The following CORO1A variants were observed in gnomAD, a reference collection of about 807,000 sequenced individuals.
CORO1A encodes coronin-1A.
In CORO1A, 17 loss-of-function variants were observed where a neutral mutation model predicts 44.1. The ratio of observed to expected loss-of-function variants is 0.39; its 90% CI spans 0.26 to 0.58. The LOEUF (loss-of-function observed/expected upper bound fraction) is 0.58. Among genes scored for constraint, CORO1A ranks in the 20% least tolerant of loss-of-function variants. The probability of loss-of-function intolerance (pLI) is 0.62; values close to 1 mark genes in which losing one functional copy is unlikely to be tolerated. For synonymous variants in CORO1A, 271 were observed against 244.2 expected, an observed-to-expected ratio of 1.11 and a Z score of -1.02; for missense variants, 415 against 606.5, an observed-to-expected ratio of 0.68 and a Z score of 3.32.
intron 7 of CORO1A, 29 bp from the exon 8 acceptor site, chr16:30,187,913 G>T (rs753219676): frequency 1.9e-6 from 3 of 1,613,396 alleles, no homozygotes; most frequent in East Asian, 4.5e-5. Context: ...CGCTGGTATT[G>T]ACCCTCCCTC....
At position 30,187,230 on chromosome 16, in the gene CORO1A, C is replaced by A. The variant is rs760274904; in HGVS notation, c.636+7C>A. 6.2e-7 allele frequency: 1 copy of A among 1,610,856 alleles called. No homozygotes were observed. Among genetic ancestry groups the A allele is most frequent in the Non-Finnish European group, 8.5e-7 (1 of 1,179,966 alleles). The stretch of plus-strand genomic sequence containing the variant: ...CAAAGGCACTGTCGTAGCTGTGAGT[C>A]GCCATCTACCCTGACCTTTGACCCT... On this transcript the variant is annotated splice_region_variant and intron_variant, in intron 5 of 10. Coordinates refer to ENST00000219150, the MANE Select transcript of CORO1A (RefSeq NM_007074.4).
In CORO1A at chr16:30,186,679, GACA is replaced by G; in HGVS notation, c.283_285del (p.Asn95del). 1 of 1,613,240 alleles carries G rather than the reference GACA, an allele frequency of 6.2e-7. No homozygotes were observed. The highest frequency in any genetic ancestry group is 1.1e-5 in the South Asian group (1 of 91,002). On this transcript the variant is annotated inframe_deletion, in exon 3 of 11. Coordinates refer to ENST00000219150, the MANE Select transcript of CORO1A (RefSeq NM_007074.4). Reference sequence around the variant, plus strand: ...AGACATCGCCTGGTGCCCGCACAATGACAACGTCATTGCCAGTGGCTCCGAGGA... The same window carrying G: ...AGACATCGCCTGGTGCCCGCACAATGACGTCATTGCCAGTGGCTCCGAGGA...
rs1441170695 is a variant in CORO1A, at chr16:30,185,370, G to C, written c.161G>C (p.Ser54Thr). 6.2e-7 allele frequency: 1 copy of C among 1,614,090 alleles called. No individual in the cohort carries two copies. The highest frequency in any genetic ancestry group is 1.7e-5 in the Admixed American group (1 of 60,030). Reference sequence around the variant, plus strand: ...TTTGTGGCCCTGATCTGTGAGGCCAGCGGGGGAGGGGCCTTCCTGGTGCTG... The same window carrying C: ...TTTGTGGCCCTGATCTGTGAGGCCACCGGGGGAGGGGCCTTCCTGGTGCTG... ...PKFVALICEA[S>T]GGGAFLVLPL... is the part of the protein sequence containing the mutation. Residue 54 changes from serine (S) to threonine (T), a missense_variant, in exon 2 of 11, where the codon AGC becomes ACC. By Grantham distance (58) the Ser-to-Thr change is moderately conservative. Around this residue, in one of 2 missense-constraint regions of CORO1A, gnomAD observed 325 missense variants for 521.7 expected, o/e 0.62. Coordinates refer to ENST00000219150, the MANE Select transcript of CORO1A (RefSeq NM_007074.4).
intron 2 of CORO1A, chr16:30,185,978 AC>A (rs2073329045): frequency 5.2e-6 from 1 of 193,794 alleles, no homozygotes; most frequent in African/African-American, 2.4e-5. Context: ...CCAAGTTGTT[AC>A]CTTAAAAGGG....
chr16:30,186,548 G>C (rs199993040), intron 2 of CORO1A, 50 bp from the exon 3 acceptor site: 1 of 1,610,628 alleles, frequency 6.2e-7, no homozygotes, highest in East Asian at 2.2e-5. Flanking sequence ...GGGGAGGTTG[G>C]ATTGGGTTTG....
rs550409733 is a variant in CORO1A at position 30,185,143 on chromosome 16, G to A, written c.-1-66G>A. Reference sequence around the variant, plus strand: ...CAGACTGAGGGGTGTCCTGGGGGAGGTGGGGACCACTGGAAGATCAGAGTT... The same window carrying A: ...CAGACTGAGGGGTGTCCTGGGGGAGATGGGGACCACTGGAAGATCAGAGTT... On this transcript the variant is annotated intron_variant, in intron 1 of 10. Transcript: ENST00000219150. The A allele has an allele frequency of 1.2e-5, 18 of 1,521,926 alleles. No individual in the cohort carries two copies. The East Asian group carries it at 3.8e-4, about 32-fold the overall frequency. 94.3% of individuals were successfully genotyped at this position (1,521,926 alleles called of 1,614,324 possible). A position where few individuals can be genotyped will look rare whatever the true frequency, so the allele number is the denominator to read the frequency against.
intron 2 of CORO1A, 146 bp from the exon 3 acceptor site, chr16:30,186,452 A>C: frequency 3.2e-6 from 3 of 944,728 alleles, no homozygotes; most frequent in Non-Finnish European, 5.0e-6. Flanking sequence ...AGAGAAGAAC[A>C]ACCCGCCCCC....
Position 30,185,269 on chromosome 16 carries a change from GGCC to G in CORO1A, c.62_64del (p.Ala21del). ...GCCACGTGTTTGGACAGCCGGCCAA[GGCC>G]GACCAGTGCTATGAAGATGTGCGCG... On this transcript the variant is annotated inframe_deletion, in exon 2 of 11. Coordinates refer to ENST00000219150, the MANE Select transcript of CORO1A (RefSeq NM_007074.4). The G allele has an allele frequency of 6.2e-7, 1 of 1,614,224 alleles. No individual in the cohort carries two copies. The highest frequency in any genetic ancestry group is 8.5e-7 in the Non-Finnish European group (1 of 1,180,032).
At position 30,185,262 on chromosome 16, in the gene CORO1A, C is replaced by T; in HGVS notation, c.53C>T (p.Pro18Leu). ...SSKFRHVFGQ[P>L]AKADQCYEDV... is the part of the protein sequence containing the mutation. Reference sequence around the variant, plus strand: ...AAGTTCCGCCACGTGTTTGGACAGCCGGCCAAGGCCGACCAGTGCTATGAA... The same window carrying T: ...AAGTTCCGCCACGTGTTTGGACAGCTGGCCAAGGCCGACCAGTGCTATGAA... The change falls in exon 2 of 11, where the codon CCG (proline) becomes CTG (leucine). Residue 18 changes from proline (P) to leucine (L), a missense_variant. Around this residue, in one of 2 missense-constraint regions of CORO1A, gnomAD observed 325 missense variants for 521.7 expected, o/e 0.62. Transcript: ENST00000219150. 1.1e-5 allele frequency: 17 copies of T among 1,614,202 alleles called. No homozygotes were observed. The highest frequency in any genetic ancestry group is 1.4e-5 in the Non-Finnish European group (16 of 1,180,030).
At chr16:30,185,044 G>A in intron 1 of CORO1A, 165 bp from the exon 2 acceptor site, 2 of 716,364 alleles carry the variant, frequency 2.8e-6, no homozygotes, top group Admixed American at 2.1e-5. Flanking sequence ...GGAGAGGCTG[G>A]GGAAGGCAAG....
At chr16:30,185,512 C>A in intron 2 of CORO1A, 105 bp downstream of exon 2, 1 of 1,023,894 alleles carries the variant, frequency 9.8e-7, no homozygotes, top group Non-Finnish European at 1.4e-6. Flanking sequence ...GCCTGTGTTG[C>A]CATCTGGAAA....
Position 30,185,299 on chromosome 16 carries a change from C to T in CORO1A, c.90C>T (p.Val30=). Residue 30 remains valine (V), a synonymous_variant, in exon 2 of 11, where the codon GTC becomes GTT. Transcript: ENST00000219150. ...KADQCYEDVR[V]SQTTWDSGFC... is the part of the protein sequence containing the mutation. ...ACCAGTGCTATGAAGATGTGCGCGT[C>T]TCACAGACCACCTGGGACAGTGGCT... is the stretch of plus-strand genomic sequence containing the variant. 6.2e-7 allele frequency: 1 copy of T among 1,614,258 alleles called. No homozygotes were observed. The highest frequency in any genetic ancestry group is 8.5e-7 in the Non-Finnish European group (1 of 1,180,046).
rs2073341371 is a variant in CORO1A, at chr16:30,186,872, C to T, written c.378C>T (p.Thr126=). Residue 126 remains threonine (T), a synonymous_variant, in exon 4 of 11, where the codon ACC becomes ACT. Coordinates refer to ENST00000219150, the MANE Select transcript of CORO1A (RefSeq NM_007074.4). ...LMLPLREPVV[T]LEGHTKRVGI... ...TGCCCCTGCGGGAGCCCGTCGTCACCCTGGAGGGCCACACCAAGCGTGTGG... is the reference window on the plus strand; with the variant it reads ...TGCCCCTGCGGGAGCCCGTCGTCACTCTGGAGGGCCACACCAAGCGTGTGG... 5 of 1,612,336 alleles carry T rather than the reference C, an allele frequency of 3.1e-6. No homozygotes were observed. The highest frequency in any genetic ancestry group is 4.2e-6 in the Non-Finnish European group (5 of 1,180,020).
chr16:30,185,831 G>GC (rs909859617), intron 2 of CORO1A: 18 of 255,002 alleles, frequency 7.1e-5, no homozygotes, highest in African/African-American at 4.0e-4. Flanking sequence ...CAGGGATGAT[G>GC]CAAGAGGTGC....
chr16:30,184,764 C>A lies in CORO1A; in HGVS notation c.-1-445C>A, dbSNP rs2073314482. The A allele has an allele frequency of 3.6e-6, 1 of 276,790 alleles. No individual in the cohort carries two copies. Among genetic ancestry groups the A allele is most frequent in the Non-Finnish European group, 7.1e-6 (1 of 140,152 alleles). The allele number at this position is 276,790 out of a possible 1,614,324, so 17.1% of individuals were successfully genotyped here. A position where few individuals can be genotyped will look rare whatever the true frequency, so the allele number is the denominator to read the frequency against. ...CGAGGGAGGCCAGCTCCTGTCCCTG[C>A]CTTTAGGAAGCGCTGTGTGGGTGTG... is the stretch of plus-strand genomic sequence containing the variant. On this transcript the variant is annotated intron_variant, in intron 1 of 10. Coordinates refer to ENST00000219150, the MANE Select transcript of CORO1A (RefSeq NM_007074.4). The surrounding 1 kb of genome is among the most constrained non-coding windows in gnomAD (Gnocchi z 4.3).
At chr16:30,187,653 C>A in intron 6 of CORO1A, 72 bp from the exon 7 acceptor site, 1 of 1,469,682 alleles carries the variant, frequency 6.8e-7, no homozygotes, top group Non-Finnish European at 9.4e-7. Context: ...TCGGGAGGGC[C>A]CTCACAGGTC....
intron 3 of CORO1A, 37 bp from the exon 4 acceptor site, chr16:30,186,779 T>C (rs775610075): frequency 6.2e-7 from 1 of 1,609,316 alleles, no homozygotes; most frequent in Non-Finnish European, 8.5e-7. Flanking sequence ...GATCTGACAT[T>C]TGGAGTCCTG....
chr16:30,184,534 C>T lies in CORO1A; in HGVS notation c.-1-675C>T, dbSNP rs954573077. 1 of 157,346 alleles carries T rather than the reference C, an allele frequency of 6.4e-6. No homozygotes were observed. Among genetic ancestry groups the T allele is most frequent in the African/African-American group, 2.4e-5 (1 of 41,458 alleles). 9.7% of individuals were successfully genotyped at this position (157,346 alleles called of 1,614,324 possible). A position where few individuals can be genotyped will look rare whatever the true frequency, so the allele number is the denominator to read the frequency against. On this transcript the variant is annotated intron_variant, in intron 1 of 10. Transcript: ENST00000219150. The surrounding 1 kb of genome is among the most constrained non-coding windows in gnomAD (Gnocchi z 4.3). ...CCTCAGAGCAGTCGGAGTGGCCTCT[C>T]CCTTCCTGTGTGCAGTTTACATGGG...
intron 4 of CORO1A, 25 bp from the exon 5 acceptor site, chr16:30,187,014 T>A (rs775858060): frequency 1.9e-5 from 31 of 1,613,748 alleles, no homozygotes; most frequent in Admixed American, 1.0e-4. Flanking sequence ...GGCTCATGGC[T>A]TCTGACACTG....
Sources: gnomAD v4.1 joint callset for allele counts on GRCh38, gnomAD v4.1.1 for gene constraint, gnomAD v4.1.1 regional missense constraint, Gnocchi (gnomAD v3.1) non-coding constraint, MANE v1.5 for transcripts, NCBI Gene and HGNC (gene_info 2026-07-23, HGNC 2026-07-21) for gene names.